CASP2: variants seen among roughly 807,000 people sequenced by gnomAD.
CASP2 encodes caspase 2.
A neutral mutation model predicts 54.4 loss-of-function variants in CASP2; 38 were observed. That is an observed-to-expected ratio of 0.70 (90% CI 0.54 to 0.92). The LOEUF (loss-of-function observed/expected upper bound fraction) is 0.92. Ranked by LOEUF, CASP2 falls within the 40% of genes least tolerant of loss-of-function variation. The probability of loss-of-function intolerance (pLI) is 0.00; values close to 1 mark genes in which losing one functional copy is unlikely to be tolerated. For missense variants in CASP2, 512 were observed against 579.6 expected, an observed-to-expected ratio of 0.88 and a Z score of 1.20; for synonymous variants, 215 against 216.3, an observed-to-expected ratio of 0.99 and a Z score of 0.05.
intron 7 of CASP2, 44 bp from the exon 8 acceptor site, chr7:143,300,160 C>G: frequency 6.2e-7 from 1 of 1,612,594 alleles, no homozygotes; most frequent in Non-Finnish European, 8.5e-7. Flanking sequence ...TAGGAGGCCC[C>G]GCTGAATGCT....
intron 8 of CASP2, chr7:143,302,115 TATG>T (rs1157174506): frequency 1.3e-5 from 2 of 152,262 alleles, no homozygotes; most frequent in African/African-American, 2.4e-5. Flanking sequence ...AAAAAACAAA[TATG>T]AGGATATTGT....
chr7:143,294,746 C>G lies in CASP2; in HGVS notation c.720C>G (p.Val240=), dbSNP rs747063811. ...VTLFKLLGYD[V]HVLCDQTAQE... is the part of the protein sequence containing the mutation. ...TCTTCAAGCTTTTGGGCTATGACGTCCATGTTCTATGTGACCAGACTGCAC... is the reference window on the plus strand; with the variant it reads ...TCTTCAAGCTTTTGGGCTATGACGTGCATGTTCTATGTGACCAGACTGCAC... Residue 240 remains valine (V), a synonymous_variant, in exon 6 of 11, where the codon GTC becomes GTG. Transcript: ENST00000310447. 1 of 1,614,158 alleles carries G rather than the reference C, an allele frequency of 6.2e-7. No individual in the cohort carries two copies. The highest frequency in any genetic ancestry group is 1.1e-5 in the South Asian group (1 of 91,074).
At chr7:143,300,718 A>G (rs1042070637) in intron 8 of CASP2, 27 of 1,195,364 alleles carry the variant, frequency 2.3e-5, no homozygotes, top group Non-Finnish European at 2.5e-5. Context: ...CTTGTTCCAT[A>G]TACTTCCCTG....
chr7:143,288,490 TC>T lies in CASP2; in HGVS notation c.37del (p.Gln13SerfsTer5), dbSNP rs1586448065. On this transcript the variant is annotated frameshift_variant, in exon 1 of 11. Coordinates refer to ENST00000310447, the MANE Select transcript of CASP2 (RefSeq NM_032982.4). LOFTEE classifies it high-confidence loss of function. ...CCGAGCGCGGGGTCTTGGTCCACCT[TC>T]CAGCACAAGGAGCTGATGGCCGCTG... Reference protein sequence around the residue: ...AAPSAGSWSTFQHKELMAADR... With the variant: ...AAPSAGSWSTXQHKELMAADR... The T allele has an allele frequency of 6.2e-7, 1 of 1,613,354 alleles. No homozygotes were observed. The highest frequency in any genetic ancestry group is 1.1e-5 in the South Asian group (1 of 91,056).
rs1802052408 is a variant in CASP2, at chr7:143,306,056, A to G, written c.*985A>G. 1 of 152,118 alleles carries G rather than the reference A, an allele frequency of 6.6e-6. No homozygotes were observed. 9.4% of individuals were successfully genotyped at this position (152,118 alleles called of 1,614,324 possible). Reference sequence around the variant, plus strand: ...GGCTGCTGCCACCAAATCTGTCTAGAATCCTGCTTTACAGGATCATGTAAA... The same window carrying G: ...GGCTGCTGCCACCAAATCTGTCTAGGATCCTGCTTTACAGGATCATGTAAA... On this transcript the variant is annotated 3_prime_UTR_variant, in exon 11 of 11. Coordinates refer to ENST00000310447, the MANE Select transcript of CASP2 (RefSeq NM_032982.4).
At chr7:143,295,725 T>G (rs1801725889) in intron 6 of CASP2, among the ~76,000 whole-genome samples, 1 of 152,236 alleles carries the variant, frequency 6.6e-6, no homozygotes, top group Admixed American at 6.5e-5. Context: ...TTTACTATAT[T>G]TTTGGCAAGG....
rs1281334200 is a variant in CASP2 at position 143,305,764 on chromosome 7, A to G, written c.*693A>G. 1 of 155,264 alleles carries G rather than the reference A, an allele frequency of 6.4e-6. No homozygotes were observed. The highest frequency in any genetic ancestry group is 1.9e-4 in the East Asian group (1 of 5,292). The allele number at this position is 155,264 out of a possible 1,614,324, so 9.6% of individuals were successfully genotyped here. A position where few individuals can be genotyped will look rare whatever the true frequency, so the allele number is the denominator to read the frequency against. On this transcript the variant is annotated 3_prime_UTR_variant, in exon 11 of 11. Coordinates refer to ENST00000310447, the MANE Select transcript of CASP2 (RefSeq NM_032982.4). Reference sequence around the variant, plus strand: ...ATCTTTGCCCATGGAAGTCTCAAAGATCTTTCGTTGGTTGTTTCTCTGAGC... The same window carrying G: ...ATCTTTGCCCATGGAAGTCTCAAAGGTCTTTCGTTGGTTGTTTCTCTGAGC...
chr7:143,290,361 C>T (rs1267035269), intron 1 of CASP2, among the ~76,000 whole-genome samples: 3 of 152,100 alleles, frequency 2.0e-5, no homozygotes, highest in Non-Finnish European at 4.4e-5. Flanking sequence ...CGTGCCCGGC[C>T]TCCCCTCATG....
chr7:143,288,885 C>A (rs1563058927), intron 1 of CASP2, among the ~76,000 whole-genome samples: 1 of 152,224 alleles, frequency 6.6e-6, no homozygotes, highest in Non-Finnish European at 1.5e-5. Flanking sequence ...ATAAAAAGAC[C>A]ATACTCTGTC....
rs1333706777 is a variant in CASP2, at chr7:143,292,487, T to C, written c.393+20T>C. The C allele has an allele frequency of 3.1e-6, 5 of 1,613,774 alleles. No homozygotes were observed. Among genetic ancestry groups the C allele is most frequent in the East Asian group, 2.2e-5 (1 of 44,866 alleles). On this transcript the variant is annotated intron_variant, in intron 3 of 10. Coordinates refer to ENST00000310447, the MANE Select transcript of CASP2 (RefSeq NM_032982.4). ...CCACCGGTATGAAGCTTTAGTAATA[T>C]GGGGTGTTGGGAAGGGTTAGTTTGA...
At chr7:143,296,530 A>G (rs1403654683) in intron 6 of CASP2, among the ~76,000 whole-genome samples, 1 of 152,236 alleles carries the variant, frequency 6.6e-6, no homozygotes, top group Non-Finnish European at 1.5e-5. Context: ...AAGTTACTGA[A>G]GCAGAGAGGA....
In CASP2 at chr7:143,288,542, C is replaced by G; in HGVS notation, c.74+13C>G. ...ACAGGGGACGCAGGTAAGTAGGGAACGGTCTTAGGGCTCCTTAGGGGAGCC... is the reference window on the plus strand; with the variant it reads ...ACAGGGGACGCAGGTAAGTAGGGAAGGGTCTTAGGGCTCCTTAGGGGAGCC... On this transcript the variant is annotated intron_variant, in intron 1 of 10. Coordinates refer to ENST00000310447, the MANE Select transcript of CASP2 (RefSeq NM_032982.4). 1 of 1,610,584 alleles carries G rather than the reference C, an allele frequency of 6.2e-7. No homozygotes were observed. Among genetic ancestry groups the G allele is most frequent in the Non-Finnish European group, 8.5e-7 (1 of 1,177,490 alleles).
chr7:143,300,837 G>T, intron 8 of CASP2: 1 of 1,134,318 alleles, frequency 8.8e-7, no homozygotes, highest in Non-Finnish European at 1.1e-6. Context: ...TTCCTTTTCC[G>T]TGAGCTGCTG....
chr7:143,297,603 C>G (rs1054310903), intron 6 of CASP2, among the ~76,000 whole-genome samples: 6 of 152,122 alleles, frequency 3.9e-5, no homozygotes, highest in Non-Finnish European at 7.4e-5. Context: ...CATGCCACCA[C>G]GCCCGGCTAA....
Position 143,294,330 on chromosome 7 carries a change from T to C in CASP2, c.570+6T>C. The C allele has an allele frequency of 1.3e-6, 2 of 1,588,868 alleles. No homozygotes were observed. Among genetic ancestry groups the C allele is most frequent in the Non-Finnish European group, 1.7e-6 (2 of 1,157,458 alleles). The stretch of plus-strand genomic sequence containing the variant: ...ATCAAACACACTTCCAGCTGGTGAG[T>C]TTTTGCATAATGACAAGAGGAAGAG... On this transcript the variant is annotated splice_donor_region_variant and intron_variant, in intron 5 of 10. Transcript: ENST00000310447.
At chr7:143,289,607 A>G in intron 1 of CASP2, 1 of 983,796 alleles carries the variant, frequency 1.0e-6, no homozygotes, top group Non-Finnish European at 1.2e-6. Flanking sequence ...GAACGATTTA[A>G]GGAGCGAATA....
chr7:143,293,879 G>A (rs937212117), intron 4 of CASP2, among the ~76,000 whole-genome samples: 1 of 152,174 alleles, frequency 6.6e-6, no homozygotes, highest in African/African-American at 2.4e-5. Context: ...GCATGTATGG[G>A]CAGGAAGTTC....
At chr7:143,299,329 C>T (rs954384073) in intron 6 of CASP2, among the ~76,000 whole-genome samples, 2 of 152,134 alleles carry the variant, frequency 1.3e-5, no homozygotes, top group African/African-American at 4.8e-5. Context: ...GAACCCAGGA[C>T]CTGTGTATGT....
In CASP2 at chr7:143,300,024, C is replaced by G; in HGVS notation, c.849C>G (p.Ile283Met). Residue 283 changes from isoleucine (I) to methionine (M), a missense_variant, in exon 7 of 11, where the codon ATC (isoleucine) becomes ATG (methionine). Around this residue, in one of 3 missense-constraint regions of CASP2, gnomAD observed 417 missense variants for 495.4 expected, o/e 0.84. Transcript: ENST00000310447. ...ALLSHGVEGA[I>M]YGVDGKLLQL... ...TCTCGCATGGTGTGGAGGGCGCCAT[C>G]TATGGTGTGGATGGGAAACTGCTCC... 6.2e-7 allele frequency: 1 copy of G among 1,614,102 alleles called. No homozygotes were observed. Among genetic ancestry groups the G allele is most frequent in the South Asian group, 1.1e-5 (1 of 91,072 alleles).
Sources: gnomAD v4.1 joint callset for allele counts (sites outside exome capture counted in the v4.1 genomes callset) on GRCh38, gnomAD v4.1.1 for gene constraint, gnomAD v4.1.1 regional missense constraint, MANE v1.5 for transcripts, NCBI Gene and HGNC (gene_info 2026-07-23, HGNC 2026-07-21) for gene names.